The following TRPC4 variants were observed in gnomAD, a reference collection of about 807,000 sequenced individuals.
TRPC4 encodes short transient receptor potential channel 4.
In TRPC4, 49 loss-of-function variants were observed where a neutral mutation model predicts 99.4. The ratio of observed to expected loss-of-function variants is 0.49; its 90% CI spans 0.39 to 0.63. TRPC4 has a LOEUF of 0.63. Ranked by LOEUF, TRPC4 falls within the 20% of genes least tolerant of loss-of-function variation. The probability of loss-of-function intolerance (pLI) is 0.00; values close to 1 mark genes in which losing one functional copy is unlikely to be tolerated. For synonymous variants in TRPC4, 454 were observed against 425.9 expected (o/e 1.07, Z -0.81); for missense variants, 898 against 1,152.9 (o/e 0.78, Z 3.20).
At chr13:37,814,351 G>A (rs1323686222) in intron 1 of TRPC4, among the ~76,000 whole-genome samples, 1 of 151,590 alleles carries the variant, frequency 6.6e-6, no homozygotes. Context: ...GAAAAAAAAG[G>A]TATCAAAGTA....
At chr13:37,820,763 A>G (rs781748495) in intron 1 of TRPC4, among the ~76,000 whole-genome samples, 1 of 152,066 alleles carries the variant, frequency 6.6e-6, no homozygotes, top group Non-Finnish European at 1.5e-5. Flanking sequence ...CCCTCAACAA[A>G]CTAGGCATTG....
chr13:37,660,228 T>C (rs184518813), intron 6 of TRPC4, among the ~76,000 whole-genome samples: 74 of 152,164 alleles, frequency 4.9e-4, no homozygotes, highest in African/African-American at 1.7e-3. Flanking sequence ...GCTAGAGAAG[T>C]AAGATTTGAA....
intron 1 of TRPC4, among the ~76,000 whole-genome samples, chr13:37,818,445 T>G (rs568786356): frequency 6.6e-6 from 1 of 152,260 alleles, no homozygotes; most frequent in East Asian, 1.9e-4. Flanking sequence ...GCAATCCCAT[T>G]ACTGGGTATA....
rs192564954 is a variant in TRPC4, at chr13:37,771,253, T to C, written c.378+11703A>G. Among the ~76,000 whole-genome samples the C allele has an allele frequency of 1.5e-3, 230 of 151,838 alleles. 2 individuals are homozygous for C. The highest frequency in any genetic ancestry group is 5.3e-3 in the African/African-American group (219 of 41,510). ...GGCAACCAAGGAAATTTTAAAGTTATAAGAAGAAATGAGAAAATACATGAT... is the reference window on the plus strand; with the variant it reads ...GGCAACCAAGGAAATTTTAAAGTTACAAGAAGAAATGAGAAAATACATGAT... On this transcript the variant is annotated intron_variant, in intron 2 of 10. Transcript: ENST00000379705.
At chr13:37,714,081 C>T (rs1954578364) in intron 3 of TRPC4, among the ~76,000 whole-genome samples, 1 of 151,410 alleles carries the variant, frequency 6.6e-6, no homozygotes, top group African/African-American at 2.4e-5. Flanking sequence ...CCCTCCCTTT[C>T]TCCCTTTCTT....
intron 1 of TRPC4, among the ~76,000 whole-genome samples, chr13:37,806,858 C>T (rs537658853): frequency 2.0e-5 from 3 of 152,148 alleles, no homozygotes; most frequent in African/African-American, 7.2e-5. Flanking sequence ...CCTCTTCACA[C>T]ACTGCTCCAC....
intron 2 of TRPC4, among the ~76,000 whole-genome samples, chr13:37,747,829 G>A (rs555607779): frequency 2.4e-4 from 36 of 152,224 alleles, no homozygotes; most frequent in Admixed American, 5.2e-4. Flanking sequence ...TTTTTGAAAT[G>A]TGCTTATGAG....
At chr13:37,702,191 A>C (rs1191674161) in intron 3 of TRPC4, among the ~76,000 whole-genome samples, 1 of 152,134 alleles carries the variant, frequency 6.6e-6, no homozygotes, top group African/African-American at 2.4e-5. Context: ...TTTTTATAAG[A>C]TAACCAGTCA....
In TRPC4 at chr13:37,670,188, T is replaced by C. The variant is rs190042937; in HGVS notation, c.1374+4040A>G. Among the ~76,000 whole-genome samples, 457 of 152,248 alleles carry C rather than the reference T, an allele frequency of 3.0e-3. 5 individuals carry two copies. Among genetic ancestry groups the C allele is most frequent in the African/African-American group, 0.01 (435 of 41,550 alleles). On this transcript the variant is annotated intron_variant, in intron 5 of 10. Coordinates refer to ENST00000379705, the MANE Select transcript of TRPC4 (RefSeq NM_016179.4). ...CCTCTGTAACTGCAAGAAATAAATT[T>C]CTGTTGTTTAAGCCACCCAATCTAT...
chr13:37,835,130 C>T (rs1958531329), intron 1 of TRPC4, among the ~76,000 whole-genome samples: 1 of 151,852 alleles, frequency 6.6e-6, no homozygotes, highest in Admixed American at 6.6e-5. Flanking sequence ...GGAATGTTTG[C>T]CAATATGAAA....
At chr13:37,824,408 T>G (rs989316867) in intron 1 of TRPC4, among the ~76,000 whole-genome samples, 106 of 151,838 alleles carry the variant, frequency 7.0e-4, no homozygotes, top group Non-Finnish European at 1.3e-3. Flanking sequence ...TGGCTGTGGG[T>G]TTGTCATAGA....
chr13:37,838,340 A>G (rs1462361593), intron 1 of TRPC4, among the ~76,000 whole-genome samples: 1 of 152,170 alleles, frequency 6.6e-6, no homozygotes. Context: ...CTCACCCACT[A>G]ATCCAACACT....
chr13:37,860,210 C>T (rs980294146), intron 1 of TRPC4, among the ~76,000 whole-genome samples: 8 of 151,330 alleles, frequency 5.3e-5, no homozygotes, highest in Non-Finnish European at 1.0e-4. Context: ...TGATTAACAA[C>T]ATCAGTAATA....
At chr13:37,860,179 T>G (rs115096267) in intron 1 of TRPC4, among the ~76,000 whole-genome samples, 2,669 of 151,608 alleles carry the variant, frequency 0.018, 56 homozygotes, top group East Asian at 0.1. Flanking sequence ...TTAAACTGTT[T>G]TTAAAATAAA....
chr13:37,853,290 G>A (rs1348363040), intron 1 of TRPC4, among the ~76,000 whole-genome samples: 1 of 152,152 alleles, frequency 6.6e-6, no homozygotes, highest in East Asian at 1.9e-4. Context: ...CTGAAAGTGA[G>A]GTAAATGAAT....
intron 2 of TRPC4, among the ~76,000 whole-genome samples, chr13:37,753,978 TG>T (rs1566145840): frequency 6.6e-6 from 1 of 152,058 alleles, no homozygotes; most frequent in Admixed American, 6.6e-5. Flanking sequence ...CTATGGAGAA[TG>T]GGCGATACTG....
At chr13:37,821,127 T>C (rs1314531038) in intron 1 of TRPC4, among the ~76,000 whole-genome samples, 1 of 149,514 alleles carries the variant, frequency 6.7e-6, no homozygotes, top group Admixed American at 6.7e-5. Context: ...CCAATAGCAT[T>C]CCTATACACA....
At chr13:37,731,976 A>G (rs1465197896) in intron 3 of TRPC4, among the ~76,000 whole-genome samples, 1 of 152,096 alleles carries the variant, frequency 6.6e-6, no homozygotes, top group Admixed American at 6.6e-5. Context: ...CCTCAACATA[A>G]AATCTCTTAG....
At chr13:37,826,714 C>T (rs904593699) in intron 1 of TRPC4, among the ~76,000 whole-genome samples, 6 of 152,094 alleles carry the variant, frequency 3.9e-5, no homozygotes, top group African/African-American at 1.4e-4. Context: ...ACATTTTTTC[C>T]TTCATTCAAC....
Sources: gnomAD v4.1 joint callset for allele counts (sites outside exome capture counted in the v4.1 genomes callset) on GRCh38, gnomAD v4.1.1 for gene constraint, MANE v1.5 for transcripts, NCBI Gene and HGNC (gene_info 2026-07-23, HGNC 2026-07-21) for gene names.